Variants in FRRS1 observed in about 807,000 individuals in gnomAD.
FRRS1 encodes the protein ferric chelate reductase 1, also known as ferric reductase 1.
FRRS1 carries 51 observed loss-of-function variants against 70.7 expected under a neutral mutation model. That is an observed-to-expected ratio of 0.72 (90% CI 0.58 to 0.91). The LOEUF (loss-of-function observed/expected upper bound fraction) is 0.91, where lower values mean the gene tolerates loss of function less well. Ranked by LOEUF, FRRS1 falls within the 40% of genes least tolerant of loss-of-function variation. The pLI is 0.00. For missense variants in FRRS1, 672 were observed against 726.0 expected (o/e 0.93, Z 0.86); for synonymous variants, 225 against 238.7 (o/e 0.94, Z 0.53).
intron 11 of FRRS1, among the ~76,000 whole-genome samples, chr1:99,716,301 T>C (rs895907620): frequency 3.9e-5 from 6 of 152,118 alleles, no homozygotes; most frequent in African/African-American, 1.4e-4. Context: ...GATGGATGGA[T>C]GGATGGAGAT....
At chr1:99,713,327 A>G (rs1654364286) in intron 12 of FRRS1, among the ~76,000 whole-genome samples, 1 of 152,234 alleles carries the variant, frequency 6.6e-6, no homozygotes, top group Non-Finnish European at 1.5e-5. Context: ...CCTTTGTTCT[A>G]TCGTATTCAT....
intron 9 of FRRS1, among the ~76,000 whole-genome samples, chr1:99,720,001 T>C (rs1654737062): frequency 1.3e-5 from 2 of 152,208 alleles, no homozygotes; most frequent in East Asian, 1.9e-4. Context: ...AAAAAAAATA[T>C]TGAAAGAGAA....
Position 99,706,408 on chromosome 1 carries a change from CAAAA to C in FRRS1, c.*2616_*2619del, listed in dbSNP as rs57154873. ...TGGGCAACAGAGTAAGACCCTGTCT[CAAAA>C]AAAAAAAAAAAAGATTAAATGCAAA... On this transcript the variant is annotated 3_prime_UTR_variant, in exon 17 of 17. Coordinates refer to ENST00000646001, the MANE Select transcript of FRRS1 (RefSeq NM_001361041.2). 1.1e-5 allele frequency among the ~76,000 whole-genome samples: 1 copy of C among 92,956 alleles called. No homozygotes were observed. Among genetic ancestry groups the C allele is most frequent in the Non-Finnish European group, 2.4e-5 (1 of 41,482 alleles). The allele number at this position is 92,956 out of a possible 152,430, so 61.0% of individuals were successfully genotyped here.
chr1:99,730,555 TA>T (rs79914094), intron 7 of FRRS1, among the ~76,000 whole-genome samples: 13 of 151,952 alleles, frequency 8.6e-5, no homozygotes, highest in African/African-American at 2.4e-4. Flanking sequence ...GACTTCATCC[TA>T]AAAAAAATTT....
Position 99,715,608 on chromosome 1 carries a change from A to T in FRRS1, c.1301T>A (p.Ile434Lys). ...TACCCTACTCCAGCCTCCCCTGTAT[A>T]TAAACGGCATAACAAAAGCAATGCA... ...LTCIAFVMPFIYRGGWSRHAG... is the reference protein window; with the variant it reads ...LTCIAFVMPFKYRGGWSRHAG... The change falls in exon 12 of 17, where the codon ATA (isoleucine) becomes AAA (lysine). Residue 434 changes from isoleucine (I) to lysine (K), a missense_variant. By Grantham distance (102) the Ile-to-Lys change is moderately radical. Transcript: ENST00000646001. 2.5e-6 allele frequency: 4 copies of T among 1,612,094 alleles called. No homozygotes were observed. The highest frequency in any genetic ancestry group is 3.4e-6 in the Non-Finnish European group (4 of 1,178,154).
intron 7 of FRRS1, among the ~76,000 whole-genome samples, chr1:99,737,607 T>C (rs1655733877): frequency 6.6e-6 from 1 of 152,240 alleles, no homozygotes; most frequent in Non-Finnish European, 1.5e-5. Context: ...TTGGAAGTAA[T>C]TGCCCAACTG....
At chr1:99,761,327 T>C (rs1198944462) in intron 1 of FRRS1, among the ~76,000 whole-genome samples, 1 of 151,892 alleles carries the variant, frequency 6.6e-6, no homozygotes, top group Non-Finnish European at 1.5e-5. Context: ...AGGGTCTGAC[T>C]ATATTACCCA....
intron 1 of FRRS1, among the ~76,000 whole-genome samples, chr1:99,750,903 T>G (rs1656539868): frequency 6.6e-6 from 1 of 152,174 alleles, no homozygotes; most frequent in African/African-American, 2.4e-5. Flanking sequence ...GTATATATGA[T>G]GGTTAATTTA....
In FRRS1 at chr1:99,752,670, G is replaced by C. The variant is rs923120632; in HGVS notation, c.-105-3669C>G. On this transcript the variant is annotated intron_variant, in intron 1 of 16. Coordinates refer to ENST00000646001, the MANE Select transcript of FRRS1 (RefSeq NM_001361041.2). ...TCACACCTGTAATCCCCGCATTTTG[G>C]GAGGCCAAGTTGGGAGGATCACTTG... Among the ~76,000 whole-genome samples the C allele has an allele frequency of 2.0e-5, 3 of 152,178 alleles. No homozygotes were observed. The East Asian group carries it at 5.8e-4, about 29-fold the overall frequency.
At chr1:99,722,032 C>G (rs1654859053) in intron 9 of FRRS1, among the ~76,000 whole-genome samples, 1 of 149,474 alleles carries the variant, frequency 6.7e-6, no homozygotes, top group Non-Finnish European at 1.5e-5. Context: ...ATTTTTGAGA[C>G]AGGGTCTCAC....
chr1:99,712,411 TA>T lies in FRRS1; in HGVS notation c.1421+6del. The stretch of plus-strand genomic sequence containing the variant: ...AGAGAGCATTTATATAGAAAGGCTC[TA>T]AGTACCTTGGGTCATGTAAAGGTGG... On this transcript the variant is annotated splice_donor_region_variant and intron_variant, in intron 13 of 16. Transcript: ENST00000646001. 6.4e-7 allele frequency: 1 copy of T among 1,572,074 alleles called. No individual in the cohort carries two copies. The highest frequency in any genetic ancestry group is 8.7e-7 in the Non-Finnish European group (1 of 1,149,678).
Position 99,712,174 on chromosome 1 carries a change from A to G in FRRS1, c.1422-11T>C. On this transcript the variant is annotated splice_polypyrimidine_tract_variant and intron_variant, in intron 13 of 16. Transcript: ENST00000646001. ...TTAAACATTTGCCTTCTACCAAAAT[A>G]AGAACCAGTCAGTATTCTTAAAAGC... is the stretch of plus-strand genomic sequence containing the variant. 6.3e-7 allele frequency: 1 copy of G among 1,589,772 alleles called. No homozygotes were observed. The highest frequency in any genetic ancestry group is 2.2e-5 in the East Asian group (1 of 44,654).
At chr1:99,752,177 A>G (rs998917114) in intron 1 of FRRS1, among the ~76,000 whole-genome samples, 2 of 152,198 alleles carry the variant, frequency 1.3e-5, no homozygotes, top group Non-Finnish European at 2.9e-5. Flanking sequence ...CCTTCTTATC[A>G]TTCATATGTT....
chr1:99,709,698 T>C (rs1176773006), intron 15 of FRRS1, among the ~76,000 whole-genome samples: 1 of 152,196 alleles, frequency 6.6e-6, no homozygotes, highest in African/African-American at 2.4e-5. Context: ...CCAAGCATGG[T>C]GGCTCACACC....
In FRRS1 at chr1:99,756,476, C is replaced by T. The variant is rs576739127; in HGVS notation, c.-105-7475G>A. 9.4e-4 allele frequency among the ~76,000 whole-genome samples: 143 copies of T among 152,106 alleles called. 1 individual carries two copies. The highest frequency in any genetic ancestry group is 3.2e-3 in the African/African-American group (132 of 41,508). On this transcript the variant is annotated intron_variant, in intron 1 of 16. Transcript: ENST00000646001. ...AAGTATATTCTTCATTATGTAAATA[C>T]AAAATTCTTGTACTTAAATGAAAAT...
intron 15 of FRRS1, among the ~76,000 whole-genome samples, 177 bp downstream of exon 15, chr1:99,710,629 G>T (rs1400478433): frequency 6.6e-6 from 1 of 152,106 alleles, no homozygotes; most frequent in East Asian, 1.9e-4. Context: ...ACTTCTAATA[G>T]TAACAAATGT....
intron 12 of FRRS1, among the ~76,000 whole-genome samples, chr1:99,713,080 G>T (rs776177832): frequency 3.7e-5 from 5 of 134,802 alleles, no homozygotes; most frequent in Non-Finnish European, 6.1e-5. Context: ...TAAAACAGCA[G>T]CAGCAACAAG....
chr1:99,762,598 T>G (rs949055061), intron 1 of FRRS1, among the ~76,000 whole-genome samples: 1 of 152,038 alleles, frequency 6.6e-6, no homozygotes. Context: ...TACAATGCTG[T>G]GACACAGATT....
chr1:99,725,744 C>T (rs1408973940), intron 9 of FRRS1, among the ~76,000 whole-genome samples: 1 of 152,130 alleles, frequency 6.6e-6, no homozygotes, highest in African/African-American at 2.4e-5. Flanking sequence ...AGTGTTAGAA[C>T]TATCACTTAA....
Sources: gnomAD v4.1 joint callset for allele counts (sites outside exome capture counted in the v4.1 genomes callset) on GRCh38, gnomAD v4.1.1 for gene constraint, MANE v1.5 for transcripts, NCBI Gene and HGNC (gene_info 2026-07-23, HGNC 2026-07-21) for gene names.